The following CCDC171 variants were observed in gnomAD, a reference collection of about 807,000 sequenced individuals.
CCDC171 encodes the protein coiled-coil domain-containing protein 171.
In CCDC171, 177 loss-of-function variants were observed where a neutral mutation model predicts 168.2. That is an observed-to-expected ratio of 1.05 (90% CI 0.93 to 1.19). CCDC171 has a LOEUF of 1.19. Among genes scored for constraint, CCDC171 ranks in the 50% most tolerant of loss-of-function variants. The pLI is 0.00. For synonymous variants in CCDC171, 687 were observed against 540.8 expected (o/e 1.27, Z -3.75); for missense variants, 1,991 against 1,539.0 (o/e 1.29, Z -4.91).
intron 25 of CCDC171, among the ~76,000 whole-genome samples, chr9:15,944,829 C>CTTTA: frequency 2.0e-5 from 1 of 48,920 alleles, no homozygotes; most frequent in Non-Finnish European, 3.9e-5. Context: ...AATTCTTTTT[C>CTTTA]TTTCTTTTTT....
intron 23 of CCDC171, among the ~76,000 whole-genome samples, chr9:15,854,761 G>A (rs1417194714): frequency 6.6e-6 from 1 of 151,426 alleles, no homozygotes; most frequent in African/African-American, 2.4e-5. Context: ...AGCTTAAACT[G>A]CATCCCAGAA....
At chr9:15,604,971 G>A (rs1030483827) in intron 6 of CCDC171, among the ~76,000 whole-genome samples, 2 of 152,078 alleles carry the variant, frequency 1.3e-5, no homozygotes, top group Non-Finnish European at 2.9e-5. Flanking sequence ...ATGTTGGAGT[G>A]CAGCGGGACT....
At chr9:15,672,399 T>C (rs2133273870) in intron 9 of CCDC171, among the ~76,000 whole-genome samples, 2 of 152,362 alleles carry the variant, frequency 1.3e-5, no homozygotes, top group East Asian at 3.8e-4. Flanking sequence ...CCATTGCTTT[T>C]GGTGTTTTAG....
intron 1 of CCDC171, among the ~76,000 whole-genome samples, chr9:16,050,909 A>G (rs1331653607): frequency 6.6e-6 from 1 of 152,232 alleles, no homozygotes; most frequent in Non-Finnish European, 1.5e-5. Flanking sequence ...GCACACAATT[A>G]CCAACCATAG....
At position 16,030,955 on chromosome 9, in the gene CCDC171, A is replaced by T. The variant is rs149662065; in HGVS notation, n.999-4502A>T. On this transcript the variant is annotated intron_variant and non_coding_transcript_variant, in intron 6 of 9. Coordinates refer to the CCDC171 transcript ENST00000486641. ...AAAATACTGGAAACCTTTGCCTGTGATTCAGCGTTCAGGGGCACAAGAATA... is the reference window on the plus strand; with the variant it reads ...AAAATACTGGAAACCTTTGCCTGTGTTTCAGCGTTCAGGGGCACAAGAATA... Among the ~76,000 whole-genome samples, 97 of 152,318 alleles carry T rather than the reference A, an allele frequency of 6.4e-4. No homozygotes were observed. In the East Asian group the frequency reaches 0.018, roughly 28 times the overall value.
At chr9:15,912,320 G>C (rs910437368) in intron 24 of CCDC171, among the ~76,000 whole-genome samples, 2 of 152,100 alleles carry the variant, frequency 1.3e-5, no homozygotes, top group African/African-American at 4.8e-5. Flanking sequence ...GTTGTGAATG[G>C]GAGTTTGCTC....
chr9:15,774,276 A>C (rs1235688059), intron 18 of CCDC171, among the ~76,000 whole-genome samples: 1 of 111,866 alleles, frequency 8.9e-6, no homozygotes, highest in Non-Finnish European at 1.9e-5. Flanking sequence ...AAAAAAAAAA[A>C]AGTCATCAGA....
chr9:16,073,051 C>T, the CCDC171 span, among the ~76,000 whole-genome samples: 2 of 152,158 alleles, frequency 1.3e-5, no homozygotes, highest in Non-Finnish European at 2.9e-5. Flanking sequence ...ATTTTTTAGT[C>T]AAATCTGTTT....
At chr9:15,977,213 A>G (rs1430934388), downstream of CCDC171, among the ~76,000 whole-genome samples, 1 of 152,162 alleles carries the variant, frequency 6.6e-6, no homozygotes, top group Non-Finnish European at 1.5e-5. Flanking sequence ...GGATGCGTAC[A>G]TATTTTTTCT....
chr9:15,906,427 G>A (rs1207710452), intron 24 of CCDC171, among the ~76,000 whole-genome samples: 1 of 152,158 alleles, frequency 6.6e-6, no homozygotes, highest in Non-Finnish European at 1.5e-5. Flanking sequence ...AAATCCATAT[G>A]ATTATCTCAA....
chr9:15,648,733 C>T (rs1217633025), intron 7 of CCDC171, among the ~76,000 whole-genome samples: 1 of 151,972 alleles, frequency 6.6e-6, no homozygotes, highest in Non-Finnish European at 1.5e-5. Context: ...AACCAGTGCT[C>T]AACAAAATAA....
At chr9:15,629,197 T>C (rs866421219) in intron 7 of CCDC171, among the ~76,000 whole-genome samples, 3 of 151,778 alleles carry the variant, frequency 2.0e-5, no homozygotes, top group South Asian at 2.1e-4. Flanking sequence ...CTTTGACGAG[T>C]TGAGAGAAGA....
chr9:15,871,088 A>G (rs1324630515), intron 23 of CCDC171, among the ~76,000 whole-genome samples: 1 of 151,650 alleles, frequency 6.6e-6, no homozygotes, highest in Non-Finnish European at 1.5e-5. Flanking sequence ...GGGAGAAAGT[A>G]AACTGTTCTT....
intron 7 of CCDC171, among the ~76,000 whole-genome samples, chr9:15,653,571 AAT>A (rs1403929681): frequency 1.3e-5 from 2 of 152,194 alleles, no homozygotes; most frequent in Non-Finnish European, 2.9e-5. Flanking sequence ...AAGTAGAAAG[AAT>A]ATTATAGTGA....
intron 18 of CCDC171, among the ~76,000 whole-genome samples, chr9:15,749,569 G>A (rs373390169): frequency 7.4e-4 from 112 of 152,200 alleles, no homozygotes; most frequent in African/African-American, 2.4e-3. Flanking sequence ...CACATAATTC[G>A]AAGTAAAACA....
At chr9:16,011,458 C>T (rs997813543) in intron 3 of CCDC171, among the ~76,000 whole-genome samples, 8 of 152,030 alleles carry the variant, frequency 5.3e-5, no homozygotes, top group African/African-American at 1.9e-4. Context: ...TTTTAATAAT[C>T]CATATAAACT....
the CCDC171 span, among the ~76,000 whole-genome samples, chr9:16,071,749 A>G: frequency 6.6e-6 from 1 of 152,004 alleles, no homozygotes. Flanking sequence ...TGAATCATCC[A>G]CCAGGTCTTC....
At chr9:16,061,993 T>A (rs72710763), downstream of CCDC171, among the ~76,000 whole-genome samples, 282 of 152,266 alleles carry the variant, frequency 1.9e-3, 1 homozygote, top group Non-Finnish European at 2.7e-3. Flanking sequence ...CAAAAATTTT[T>A]AAAAATACCT....
the CCDC171 span, among the ~76,000 whole-genome samples, chr9:16,105,184 G>T: frequency 2.0e-5 from 3 of 152,154 alleles, no homozygotes; most frequent in African/African-American, 7.2e-5. Flanking sequence ...AATATATTTG[G>T]GCTATGTGTA....
Sources: allele counts gnomAD v4.1 joint callset (sites outside exome capture counted in the v4.1 genomes callset), GRCh38; gene constraint gnomAD v4.1.1; transcripts MANE v1.5; gene names NCBI Gene and HGNC (gene_info 2026-07-23, HGNC 2026-07-21).